The following POU6F2 variants were observed in gnomAD, a reference collection of about 807,000 sequenced individuals.
POU6F2 encodes the protein POU class 6 homeobox 2, also known as POU domain, class 6, transcription factor 2.
In POU6F2, 31 loss-of-function variants were observed where a neutral mutation model predicts 71.3. The observed-to-expected ratio is 0.43, with a 90% CI of 0.33 to 0.59. The LOEUF (loss-of-function observed/expected upper bound fraction) is 0.59. POU6F2 is among the 20% of genes least tolerant of loss of function. The pLI is 0.04. For missense variants in POU6F2, 783 were observed against 856.8 expected (o/e 0.91, Z 1.07); for synonymous variants, 347 against 355.7 (o/e 0.98, Z 0.27).
At chr7:39,289,987 G>A (rs1784721117) in intron 4 of POU6F2, among the ~76,000 whole-genome samples, 1 of 151,910 alleles carries the variant, frequency 6.6e-6, no homozygotes, top group African/African-American at 2.4e-5. Flanking sequence ...ACAAAGAATA[G>A]GCATAAGACT....
chr7:39,314,565 T>G (rs1283544197), intron 4 of POU6F2, among the ~76,000 whole-genome samples: 1 of 152,262 alleles, frequency 6.6e-6, no homozygotes, highest in Non-Finnish European at 1.5e-5. Flanking sequence ...TTTGTCACTC[T>G]TATGTTCCTA....
At chr7:39,371,630 C>G (rs1434700201) in intron 5 of POU6F2, among the ~76,000 whole-genome samples, 1 of 152,158 alleles carries the variant, frequency 6.6e-6, no homozygotes, top group Non-Finnish European at 1.5e-5. Context: ...CAGATGTCCC[C>G]TTGAGCCAGC....
At chr7:39,322,121 T>G (rs1785408950) in intron 4 of POU6F2, among the ~76,000 whole-genome samples, 1 of 152,228 alleles carries the variant, frequency 6.6e-6, no homozygotes, top group African/African-American at 2.4e-5. Context: ...ATCTTTGTGT[T>G]GCTTTACCCG....
At chr7:39,056,584 C>T (rs926875494) in intron 1 of POU6F2, among the ~76,000 whole-genome samples, 2 of 151,710 alleles carry the variant, frequency 1.3e-5, no homozygotes, top group Non-Finnish European at 2.9e-5. Context: ...AAACTCAGGA[C>T]TTCCCAGAAT....
At position 39,273,402 on chromosome 7, in the gene POU6F2, G is replaced by A. The variant is rs572834625; in HGVS notation, c.598+65782G>A. On this transcript the variant is annotated intron_variant, in intron 4 of 9. Coordinates refer to ENST00000518318, the MANE Select transcript of POU6F2 (RefSeq NM_001370959.1). ...GTGATGAGACAGGCAGTTTGCCTCTGTGGTGTTCTTTCCAAAAACTCATAA... is the reference window on the plus strand; with the variant it reads ...GTGATGAGACAGGCAGTTTGCCTCTATGGTGTTCTTTCCAAAAACTCATAA... Among the ~76,000 whole-genome samples, 32 of 152,336 alleles carry A rather than the reference G, an allele frequency of 2.1e-4. No individual in the cohort carries two copies. In the South Asian group the frequency reaches 6.4e-3, roughly 31 times the overall value.
At chr7:39,133,465 C>T (rs2128730156) in intron 2 of POU6F2, among the ~76,000 whole-genome samples, 1 of 152,238 alleles carries the variant, frequency 6.6e-6, no homozygotes, top group East Asian at 1.9e-4. Flanking sequence ...GTTGGGTCTC[C>T]TTCTTTACTA....
intron 2 of POU6F2, among the ~76,000 whole-genome samples, chr7:39,113,200 G>A (rs987308704): frequency 3.9e-5 from 6 of 152,124 alleles, no homozygotes; most frequent in Non-Finnish European, 7.3e-5. Flanking sequence ...CAAAAGTCCA[G>A]GAGAAAGTGC....
chr7:39,325,434 T>C (rs1318780162), intron 4 of POU6F2, among the ~76,000 whole-genome samples: 1 of 152,218 alleles, frequency 6.6e-6, no homozygotes, highest in East Asian at 1.9e-4. Flanking sequence ...ATTGCCTGTT[T>C]AGGAAGTTTA....
chr7:39,423,584 A>G (rs1787903128), intron 6 of POU6F2, among the ~76,000 whole-genome samples: 1 of 152,228 alleles, frequency 6.6e-6, no homozygotes, highest in African/African-American at 2.4e-5. Context: ...GGATTCTGCC[A>G]GTGAAAATGC....
intron 6 of POU6F2, among the ~76,000 whole-genome samples, chr7:39,426,317 C>A (rs1465119456): frequency 1.3e-5 from 2 of 152,278 alleles, no homozygotes; most frequent in East Asian, 3.9e-4. Flanking sequence ...GTTATGGGCA[C>A]CATGTTTTCT....
chr7:39,064,669 A>G (rs953864504), intron 1 of POU6F2, among the ~76,000 whole-genome samples: 1 of 151,990 alleles, frequency 6.6e-6, no homozygotes, highest in Non-Finnish European at 1.5e-5. Flanking sequence ...TAAGATATGA[A>G]TAGCAACTTT....
chr7:39,160,114 C>T (rs1041778164), intron 2 of POU6F2, among the ~76,000 whole-genome samples: 1 of 152,040 alleles, frequency 6.6e-6, no homozygotes, highest in Non-Finnish European at 1.5e-5. Context: ...GGACAGCGTC[C>T]CAAGTTGAGA....
At chr7:39,341,048 C>T (rs2115624612) in intron 5 of POU6F2, among the ~76,000 whole-genome samples, 1 of 152,290 alleles carries the variant, frequency 6.6e-6, no homozygotes, top group East Asian at 1.9e-4. Flanking sequence ...GGGTATAAAC[C>T]TCAGTCAGTC....
At chr7:39,348,343 G>C (rs1786069096) in intron 5 of POU6F2, among the ~76,000 whole-genome samples, 1 of 152,182 alleles carries the variant, frequency 6.6e-6, no homozygotes, top group African/African-American at 2.4e-5. Flanking sequence ...GTTTATATTA[G>C]ATGATCTTTA....
chr7:39,429,689 C>G (rs182106261), intron 6 of POU6F2, among the ~76,000 whole-genome samples: 1 of 152,164 alleles, frequency 6.6e-6, no homozygotes, highest in Non-Finnish European at 1.5e-5. Flanking sequence ...TGTCCGTGTG[C>G]TCAGTGGCAA....
chr7:39,405,394 G>A (rs1787401683), intron 5 of POU6F2, among the ~76,000 whole-genome samples: 1 of 152,118 alleles, frequency 6.6e-6, no homozygotes, highest in South Asian at 2.1e-4. Flanking sequence ...TTTAAAAGTG[G>A]CATTTTTAGA....
At chr7:39,127,280 G>GCT in intron 2 of POU6F2, among the ~76,000 whole-genome samples, 1 of 152,228 alleles carries the variant, frequency 6.6e-6, no homozygotes, top group South Asian at 2.1e-4. Context: ...AGACAGACAT[G>GCT]GTGACTCATA....
chr7:39,015,836 TA>T (rs1789492348), intron 1 of POU6F2, among the ~76,000 whole-genome samples: 3 of 42,288 alleles, frequency 7.1e-5, no homozygotes, highest in African/African-American at 6.7e-5. Context: ...TATAGATATA[TA>T]ATATATTATA....
intron 2 of POU6F2, among the ~76,000 whole-genome samples, chr7:39,118,059 A>G (rs1284777592): frequency 6.6e-6 from 1 of 152,122 alleles, no homozygotes; most frequent in Non-Finnish European, 1.5e-5. Flanking sequence ...AGCCATCCTT[A>G]GACTCTTATA....
Sources: allele counts gnomAD v4.1 joint callset (sites outside exome capture counted in the v4.1 genomes callset), GRCh38; gene constraint gnomAD v4.1.1; transcripts MANE v1.5; gene names NCBI Gene and HGNC (gene_info 2026-07-23, HGNC 2026-07-21).